The following NT5C2 variants were observed in gnomAD, a reference collection of about 807,000 sequenced individuals.
NT5C2 encodes 5'-nucleotidase, cytosolic II.
NT5C2 carries 58 observed loss-of-function variants against 76.1 expected under a neutral mutation model. The observed-to-expected ratio is 0.76, with a 90% CI of 0.62 to 0.95. The LOEUF is 0.95. Among genes scored for constraint, NT5C2 ranks in the 40% least tolerant of loss-of-function variants. NT5C2 has a pLI of 0.00. For missense variants in NT5C2, 478 were observed against 690.3 expected (o/e 0.69, Z 3.45); for synonymous variants, 229 against 237.4 (o/e 0.96, Z 0.32).
At chr10:103,173,797 C>T (rs2088992282) in intron 3 of NT5C2, among the ~76,000 whole-genome samples, 1 of 149,810 alleles carries the variant, frequency 6.7e-6, no homozygotes, top group Non-Finnish European at 1.5e-5. Flanking sequence ...ATAAAAAATA[C>T]AAGAATTTCA....
At chr10:103,174,428 G>A (rs1284292752) in intron 3 of NT5C2, among the ~76,000 whole-genome samples, 2 of 151,992 alleles carry the variant, frequency 1.3e-5, no homozygotes, top group East Asian at 3.9e-4. Context: ...AAAACTAGCT[G>A]GGTGCAGTAG....
intron 3 of NT5C2, among the ~76,000 whole-genome samples, chr10:103,163,295 C>T (rs889901060): frequency 6.6e-6 from 1 of 152,148 alleles, no homozygotes; most frequent in African/African-American, 2.4e-5. Flanking sequence ...GGGTAAATAT[C>T]TAGGAGTGGG....
At chr10:103,129,885 T>G (rs1201846096) in intron 4 of NT5C2, among the ~76,000 whole-genome samples, 41 of 47,536 alleles carry the variant, frequency 8.6e-4, no homozygotes, top group Middle Eastern at 0.024. Flanking sequence ...GAGGTGGGGG[T>G]GTCAGCCCCC....
intron 3 of NT5C2, among the ~76,000 whole-genome samples, chr10:103,142,015 C>T (rs1004073290): frequency 6.6e-6 from 1 of 152,130 alleles, no homozygotes; most frequent in Non-Finnish European, 1.5e-5. Flanking sequence ...GCAAGAAAGG[C>T]AACGCAGGCA....
chr10:103,112,396 T>C (rs546129081), intron 4 of NT5C2, among the ~76,000 whole-genome samples: 2 of 152,190 alleles, frequency 1.3e-5, no homozygotes, highest in East Asian at 3.9e-4. Flanking sequence ...ATATCTAAAT[T>C]TGGAATGGAA....
rs543927292 is a variant in NT5C2 at position 103,125,005 on chromosome 10, T to C, written c.175+14401A>G. 23 of 173,688 alleles carry C rather than the reference T, an allele frequency of 1.3e-4. No individual in the cohort carries two copies. In the South Asian group the frequency reaches 3.2e-3, roughly 24 times the overall value. 10.8% of individuals were successfully genotyped at this position (173,688 alleles called of 1,614,324 possible). ...CCATGAGGCATTTTATTTGTAAATA[T>C]GTATTACATCTCTAGAAAAAGAATC... On this transcript the variant is annotated intron_variant, in intron 4 of 18. Transcript: ENST00000404739.
At chr10:103,128,298 C>G (rs557982221) in intron 4 of NT5C2, among the ~76,000 whole-genome samples, 2 of 150,312 alleles carry the variant, frequency 1.3e-5, no homozygotes, top group Non-Finnish European at 3.0e-5. Flanking sequence ...AGCCCCTAAC[C>G]GCGAGTGATC....
chr10:103,187,273 C>G (rs1410184142), intron 1 of NT5C2, among the ~76,000 whole-genome samples: 3 of 151,526 alleles, frequency 2.0e-5, no homozygotes, highest in Non-Finnish European at 4.4e-5. Context: ...AGGCCAGTTG[C>G]AGTGGCTCAC....
At chr10:103,129,591 G>A (rs1398390240) in intron 4 of NT5C2, among the ~76,000 whole-genome samples, 26 of 104,438 alleles carry the variant, frequency 2.5e-4, no homozygotes, top group African/African-American at 6.6e-4. Context: ...TCAGCCCCCC[G>A]CCCGGCCAGC....
At chr10:103,151,474 A>AC (rs2082390258) in intron 3 of NT5C2, among the ~76,000 whole-genome samples, 1 of 151,320 alleles carries the variant, frequency 6.6e-6, no homozygotes, top group Non-Finnish European at 1.5e-5. Flanking sequence ...TAAAAAAAAA[A>AC]AAAAACACTA....
chr10:103,132,056 C>A (rs1204397849), intron 4 of NT5C2, among the ~76,000 whole-genome samples: 1 of 151,932 alleles, frequency 6.6e-6, no homozygotes, highest in African/African-American at 2.4e-5. Flanking sequence ...GCCTGACCAA[C>A]ACGGTGAAAC....
Position 103,141,862 on chromosome 10 carries a change from A to G in NT5C2, c.102-2383T>C, listed in dbSNP as rs11191576. Among the ~76,000 whole-genome samples the G allele has an allele frequency of 8.7e-4, 133 of 152,328 alleles. 4 individuals are homozygous for G. The East Asian group carries it at 0.025, about 28-fold the overall frequency. On this transcript the variant is annotated intron_variant, in intron 3 of 18. Transcript: ENST00000404739. Reference sequence around the variant, plus strand: ...TTATCCTTGAGGAACTCAGCCTACTAGGAAGGAGACCTTTAAATAATTTCA... The same window carrying G: ...TTATCCTTGAGGAACTCAGCCTACTGGGAAGGAGACCTTTAAATAATTTCA...
chr10:103,134,010 A>C (rs554855000), intron 4 of NT5C2, among the ~76,000 whole-genome samples: 2 of 152,324 alleles, frequency 1.3e-5, no homozygotes, highest in East Asian at 3.9e-4. Flanking sequence ...GAAATTTCTA[A>C]GCAGCAAAGC....
intron 3 of NT5C2, among the ~76,000 whole-genome samples, chr10:103,139,846 CTT>C (rs2136289790): frequency 1.3e-5 from 2 of 152,268 alleles, no homozygotes; most frequent in East Asian, 3.9e-4. Context: ...CATTAGATCT[CTT>C]AGACTTATTC....
At chr10:103,101,179 GACT>G (rs1380578768) in intron 7 of NT5C2, 53 bp downstream of exon 7, 4 of 1,407,222 alleles carry the variant, frequency 2.8e-6, no homozygotes, top group Non-Finnish European at 4.0e-6. Flanking sequence ...CTTGAATACA[GACT>G]AATGGTCACA....
intron 3 of NT5C2, among the ~76,000 whole-genome samples, chr10:103,154,313 T>C (rs1046765531): frequency 4.6e-5 from 7 of 152,190 alleles, no homozygotes; most frequent in Non-Finnish European, 1.0e-4. Flanking sequence ...CTAAATATCT[T>C]ACCATAAAGG....
At chr10:103,143,602 ATTTTTTTTTTTTTTTT>A (rs67395221) in intron 3 of NT5C2, among the ~76,000 whole-genome samples, 1 of 53,822 alleles carries the variant, frequency 1.9e-5, no homozygotes, top group African/African-American at 9.1e-5. Flanking sequence ...ATGTCCAGCT[ATTTTTTTTTTTTTTTT>A]TTTTTTTTTT....
At chr10:103,138,028 G>C (rs1463464205) in intron 4 of NT5C2, among the ~76,000 whole-genome samples, 1 of 152,198 alleles carries the variant, frequency 6.6e-6, no homozygotes, top group Non-Finnish European at 1.5e-5. Context: ...AGGAGACCAT[G>C]AGATGGTACC....
At chr10:103,110,422 C>T (rs960200848) in intron 4 of NT5C2, among the ~76,000 whole-genome samples, 8 of 152,206 alleles carry the variant, frequency 5.3e-5, no homozygotes, top group Admixed American at 5.2e-4. Flanking sequence ...CACCACTGCA[C>T]TCCAGTCTGG....
Sources: allele counts gnomAD v4.1 joint callset (sites outside exome capture counted in the v4.1 genomes callset), GRCh38; gene constraint gnomAD v4.1.1; transcripts MANE v1.5; gene names NCBI Gene and HGNC (gene_info 2026-07-23, HGNC 2026-07-21).